The following STOML3 variants were observed in gnomAD, a reference collection of about 807,000 sequenced individuals.
STOML3 encodes the protein stomatin-like protein 3.
Under a neutral mutation model 29.5 loss-of-function variants are expected in STOML3, and 31 were observed. That is an observed-to-expected ratio of 1.05 (90% confidence interval 0.79 to 1.42). The LOEUF (loss-of-function observed/expected upper bound fraction) is 1.42, where lower values mean the gene tolerates loss of function less well. Among genes scored for constraint, STOML3 ranks in the 40% most tolerant of loss-of-function variants. The pLI is 0.00. For synonymous variants in STOML3, 122 were observed against 139.8 expected, an observed-to-expected ratio of 0.87 and a Z score of 0.90; for missense variants, 380 against 363.0, an observed-to-expected ratio of 1.05 and a Z score of -0.38.
chr13:38,971,567 T>G (rs189094977), intron 4 of STOML3, among the ~76,000 whole-genome samples: 42 of 152,344 alleles, frequency 2.8e-4, no homozygotes, highest in Admixed American at 9.1e-4. Flanking sequence ...GGTAACTCTA[T>G]TCCTCTTCCC....
At chr13:38,980,121 T>C (rs1413966855) in intron 1 of STOML3, 2 of 1,551,586 alleles carry the variant, frequency 1.3e-6, no homozygotes, top group Admixed American at 2.0e-5. Flanking sequence ...TCAGCTCCAT[T>C]AGGTAATAGA....
intron 1 of STOML3, among the ~76,000 whole-genome samples, chr13:38,988,090 AATATGTTATATTTTATATC>A (rs1868707335): frequency 9.7e-6 from 1 of 102,702 alleles, no homozygotes; most frequent in African/African-American, 3.9e-5. Context: ...TTTTATATAT[AATATGTTATATTTTATATC>A]ATATATTTTA....
rs766690456 is a variant in STOML3 at position 38,966,844 on chromosome 13, T to G, written c.857A>C (p.Lys286Thr). ...IGGVSYDNHK[K>T]LPNKA ...AGGACCTCAGGCTTTATTTGGAAGC[T>G]TCTTGTGGTTATCATAGCTGACGCC... is the stretch of plus-strand genomic sequence containing the variant. Residue 286 changes from lysine (K) to threonine (T), a missense_variant, in exon 7 of 7, where the codon AAG (lysine) becomes ACG (threonine). Lys to Thr is a moderately conservative substitution (Grantham distance 78). Coordinates refer to ENST00000379631, the MANE Select transcript of STOML3 (RefSeq NM_145286.3). 1 of 1,613,434 alleles carries G rather than the reference T, an allele frequency of 6.2e-7. No homozygotes were observed. Among genetic ancestry groups the G allele is most frequent in the South Asian group, 1.1e-5 (1 of 91,044 alleles).
chr13:38,974,572 A>C (rs1435883429), intron 3 of STOML3, among the ~76,000 whole-genome samples: 1 of 152,172 alleles, frequency 6.6e-6, no homozygotes, highest in Non-Finnish European at 1.5e-5. Flanking sequence ...TAAAGTACTA[A>C]ATACAGTGCC....
intron 1 of STOML3, among the ~76,000 whole-genome samples, chr13:38,989,527 G>A (rs184582248): frequency 6.6e-6 from 1 of 151,616 alleles, no homozygotes; most frequent in Admixed American, 6.6e-5. Flanking sequence ...TTGTTAGGCA[G>A]GGTCTCACTC....
intron 3 of STOML3, 149 bp downstream of exon 3, chr13:38,976,391 T>C: frequency 1.2e-6 from 1 of 811,300 alleles, no homozygotes; most frequent in Non-Finnish European, 1.9e-6. Context: ...AAAGGTGGCA[T>C]TCTTCTGTTG....
intron 1 of STOML3, among the ~76,000 whole-genome samples, chr13:38,985,911 CTTTT>C (rs1170409048): frequency 4.0e-4 from 34 of 85,606 alleles, no homozygotes; most frequent in African/African-American, 1.1e-3. Context: ...TCTTTTCTTT[CTTTT>C]TTTTTTTTTT....
Position 38,967,015 on chromosome 13 carries a change from T to C in STOML3, c.686A>G (p.Lys229Arg). The change falls in exon 7 of 7, where the codon AAA becomes AGA. Residue 229 changes from lysine (K) to arginine (R), a missense_variant. By Grantham distance (26) the Lys-to-Arg change is conservative. Transcript: ENST00000379631. ...CACCATGGAGGCTGACTTCAGGGAT[T>C]TGGAAGCATTCATTTCTCCTTCAGC... ...LAAEGEMNAS[K>R]SLKSASMVLA... 7.4e-6 allele frequency: 12 copies of C among 1,614,034 alleles called. No homozygotes were observed. Among genetic ancestry groups the C allele is most frequent in the Non-Finnish European group, 1.0e-5 (12 of 1,179,982 alleles).
chr13:38,981,487 A>G (rs1881265446), intron 1 of STOML3, among the ~76,000 whole-genome samples: 1 of 152,212 alleles, frequency 6.6e-6, no homozygotes, highest in African/African-American at 2.4e-5. Flanking sequence ...ATAGTAAATA[A>G]AACAGCCTAG....
At chr13:38,981,109 T>C (rs752789815) in intron 1 of STOML3, among the ~76,000 whole-genome samples, 2 of 152,220 alleles carry the variant, frequency 1.3e-5, no homozygotes, top group Non-Finnish European at 2.9e-5. Flanking sequence ...GGAAGGACTT[T>C]AGAGGTAACC....
chr13:38,972,545 G>GAGGTCAACTTTGA lies in STOML3; in HGVS notation c.266_278dup (p.Arg94GlnfsTer3). On this transcript the variant is annotated stop_gained and frameshift_variant, in exon 4 of 7. Coordinates refer to ENST00000379631, the MANE Select transcript of STOML3 (RefSeq NM_145286.3). LOFTEE classifies it high-confidence loss of function. ...GAGGAATGTTGCAAGTAACTGTTCG[G>GAGGTCAACTTTGA]AGGTCAACTTTGACAAACACATCTA... is the stretch of plus-strand genomic sequence containing the variant. 2 of 1,614,048 alleles carry GAGGTCAACTTTGA rather than the reference G, an allele frequency of 1.2e-6. No individual in the cohort carries two copies. The highest frequency in any genetic ancestry group is 2.2e-5 in the South Asian group (2 of 91,082).
At chr13:38,982,221 C>G (rs1054896312) in intron 1 of STOML3, among the ~76,000 whole-genome samples, 1 of 151,552 alleles carries the variant, frequency 6.6e-6, no homozygotes, top group Non-Finnish European at 1.5e-5. Flanking sequence ...CCTAATCTCC[C>G]TTTTCTTAGG....
chr13:38,985,841 G>A (rs78132401), intron 1 of STOML3, among the ~76,000 whole-genome samples: 1,474 of 137,724 alleles, frequency 0.011, 13 homozygotes, highest in Non-Finnish European at 0.017. Flanking sequence ...ATATAGAATA[G>A]AAAAAATTTT....
In STOML3 at chr13:38,968,380, G is replaced by A. The variant is rs1246113908; in HGVS notation, c.651+20C>T. ...ACACTAGGCAGTTCTCCCTCCATGT[G>A]TGAACTGCACAACACTTACCTTGGC... On this transcript the variant is annotated intron_variant, in intron 6 of 6. Transcript: ENST00000379631. 6.2e-7 allele frequency: 1 copy of A among 1,613,508 alleles called. No homozygotes were observed. The highest frequency in any genetic ancestry group is 2.2e-5 in the East Asian group (1 of 44,856).
At chr13:38,990,583 AC>A (rs1403263933) in intron 1 of STOML3, 86 bp downstream of exon 1, 2 of 1,346,226 alleles carry the variant, frequency 1.5e-6, no homozygotes, top group Non-Finnish European at 2.1e-6. Context: ...TATATCTCAT[AC>A]TTACTCTATA....
At position 38,971,078 on chromosome 13, in the gene STOML3, G is replaced by T. The variant is rs562896869; in HGVS notation, c.313-690C>A. ...GATGGAGTTTGGCTCCGTCACCCAG[G>T]CTGGACTGCAGTGGCGCAATCTCTG... On this transcript the variant is annotated intron_variant, in intron 4 of 6. Coordinates refer to ENST00000379631, the MANE Select transcript of STOML3 (RefSeq NM_145286.3). Among the ~76,000 whole-genome samples, 10 of 152,044 alleles carry T rather than the reference G, an allele frequency of 6.6e-5. No homozygotes were observed. In the South Asian group the frequency reaches 1.9e-3, roughly 28 times the overall value.
intron 3 of STOML3, 134 bp from the exon 4 acceptor site, chr13:38,972,728 C>T: frequency 1.4e-6 from 1 of 706,326 alleles, no homozygotes; most frequent in Non-Finnish European, 2.3e-6. Flanking sequence ...ACACATGAAA[C>T]TCTGAGGAAA....
Position 38,972,513 on chromosome 13 carries a change from T to G in STOML3, c.311A>C (p.Glu104Ala), listed in dbSNP as rs764038019. The G allele has an allele frequency of 4.3e-6, 7 of 1,613,546 alleles. No individual in the cohort carries two copies. The highest frequency in any genetic ancestry group is 5.9e-6 in the Non-Finnish European group (7 of 1,179,676). Residue 104 changes from glutamate to alanine, a missense_variant and splice_region_variant, in exon 4 of 7, where the codon GAG becomes GCG. Coordinates refer to ENST00000379631, the MANE Select transcript of STOML3 (RefSeq NM_145286.3). The stretch of plus-strand genomic sequence containing the variant: ...TGACATATCCTTAATCAGTACTACC[T>G]CTTGTGGAGGAATGTTGCAAGTAAC... ...RTVTCNIPPQ[E>A]ILTRDSVTTQ...
intron 6 of STOML3, among the ~76,000 whole-genome samples, chr13:38,967,865 A>C (rs1880713582): frequency 6.6e-6 from 1 of 152,212 alleles, no homozygotes; most frequent in Non-Finnish European, 1.5e-5. Context: ...AACAGATTTC[A>C]AGGACATTCA....
Sources: allele counts gnomAD v4.1 joint callset (sites outside exome capture counted in the v4.1 genomes callset), GRCh38; gene constraint gnomAD v4.1.1; transcripts MANE v1.5; gene names NCBI Gene and HGNC (gene_info 2026-07-23, HGNC 2026-07-21).